Variants in ATF3 observed in about 807,000 individuals in gnomAD.
The protein encoded by ATF3 is cyclic AMP-dependent transcription factor ATF-3.
Under a neutral mutation model 18.4 loss-of-function variants are expected in ATF3, and 10 were observed. The observed-to-expected ratio is 0.54, with a 90% CI of 0.34 to 0.92. ATF3 has a LOEUF of 0.92. ATF3 is among the 40% of genes least tolerant of loss of function. The pLI is 0.02. For synonymous variants in ATF3, 78 were observed against 87.9 expected, an observed-to-expected ratio of 0.89 and a Z score of 0.63; for missense variants, 183 against 222.3, an observed-to-expected ratio of 0.82 and a Z score of 1.12.
chr1:212,568,612 A>G (rs927480979), intron 1 of ATF3, among the ~76,000 whole-genome samples: 1 of 152,222 alleles, frequency 6.6e-6, no homozygotes, highest in African/African-American at 2.4e-5. Context: ...CAAAATGGCC[A>G]TTAAGGAGAG....
chr1:212,605,283 G>C (rs1415389065), upstream of ATF3, among the ~76,000 whole-genome samples: 3 of 152,214 alleles, frequency 2.0e-5, no homozygotes, highest in Non-Finnish European at 4.4e-5. Context: ...GGTGCCTACT[G>C]TGTGATGCTG....
chr1:212,602,443 A>G (rs754646656), intron 1 of ATF3, among the ~76,000 whole-genome samples: 1 of 152,154 alleles, frequency 6.6e-6, no homozygotes, highest in African/African-American at 2.4e-5. Flanking sequence ...CTGTAAGCTC[A>G]GTTTCCTCAT....
At chr1:212,579,299 C>A (rs1664637822) in intron 1 of ATF3, among the ~76,000 whole-genome samples, 2 of 152,074 alleles carry the variant, frequency 1.3e-5, no homozygotes, top group African/African-American at 4.8e-5. Flanking sequence ...GGCATGGCTC[C>A]CAGACTTCTG....
chr1:212,610,573 AT>A lies in ATF3; in HGVS notation c.-5+1644del, dbSNP rs538450769. ...ACCCCACGCCCGCAGTGGGGATAAG[AT>A]ACAGCACCCAGCATCTGTGGCAGTG... is the stretch of plus-strand genomic sequence containing the variant. On this transcript the variant is annotated intron_variant, in intron 1 of 3. Transcript: ENST00000341491. Among the ~76,000 whole-genome samples the A allele has an allele frequency of 3.9e-4, 59 of 152,334 alleles. No homozygotes were observed. In the East Asian group the frequency reaches 0.011, roughly 28 times the overall value.
At chr1:212,583,660 C>T (rs1664726151) in intron 1 of ATF3, among the ~76,000 whole-genome samples, 1 of 152,206 alleles carries the variant, frequency 6.6e-6, no homozygotes, top group Non-Finnish European at 1.5e-5. Flanking sequence ...GGAACAAAAC[C>T]CTGGAACAGA....
intron 1 of ATF3, among the ~76,000 whole-genome samples, chr1:212,598,431 A>T (rs1053352887): frequency 4.6e-5 from 7 of 152,342 alleles, no homozygotes; most frequent in East Asian, 3.9e-4. Flanking sequence ...GAAATGGGGT[A>T]TCCATCCCCT....
At chr1:212,600,404 A>T (rs1307604529) in intron 1 of ATF3, among the ~76,000 whole-genome samples, 2 of 152,234 alleles carry the variant, frequency 1.3e-5, no homozygotes, top group African/African-American at 4.8e-5. Flanking sequence ...CCTGCTCAGC[A>T]ATTGCCTCAC....
At chr1:212,596,230 C>T (rs1664991426) in intron 1 of ATF3, among the ~76,000 whole-genome samples, 1 of 152,226 alleles carries the variant, frequency 6.6e-6, no homozygotes, top group South Asian at 2.1e-4. Flanking sequence ...TTCCACCTCA[C>T]TTTTCTACTG....
chr1:212,592,244 T>C (rs1421584040), intron 1 of ATF3, among the ~76,000 whole-genome samples: 3 of 152,226 alleles, frequency 2.0e-5, no homozygotes, highest in South Asian at 4.1e-4. Flanking sequence ...AGTGAAATCA[T>C]ACAGCATTTT....
Position 212,620,443 on chromosome 1 carries a change from C to T in ATF3, c.*888C>T, listed in dbSNP as rs1040020024. 6.6e-6 allele frequency: 1 copy of T among 152,632 alleles called. No individual in the cohort carries two copies. The highest frequency in any genetic ancestry group is 6.5e-5 in the Admixed American group (1 of 15,288). The allele number at this position is 152,632 out of a possible 1,614,324, so 9.5% of individuals were successfully genotyped here. A position where few individuals can be genotyped will look rare whatever the true frequency, so the allele number is the denominator to read the frequency against. ...TTCCTTTCCTTGTGGTTGAAAACCA[C>T]AGTCAGTGGAGAGATGTTTGGAAAC... On this transcript the variant is annotated 3_prime_UTR_variant, in exon 4 of 4. Transcript: ENST00000341491.
At chr1:212,596,271 A>C (rs992979883) in intron 1 of ATF3, among the ~76,000 whole-genome samples, 2 of 152,270 alleles carry the variant, frequency 1.3e-5, no homozygotes, top group African/African-American at 2.4e-5. Flanking sequence ...CCTGTGTAAC[A>C]TAAGTGCCTA....
rs1273360724 is a variant in ATF3, at chr1:212,620,154, T to A, written c.*599T>A. ...TTTCTCAGATCTGGTTTCTAAGAGT[T>A]TTGGGGGGCGGGGCTGTCACCACGT... On this transcript the variant is annotated 3_prime_UTR_variant, in exon 4 of 4. Transcript: ENST00000341491. 6.4e-6 allele frequency: 1 copy of A among 155,798 alleles called. No individual in the cohort carries two copies. The highest frequency in any genetic ancestry group is 1.4e-5 in the Non-Finnish European group (1 of 70,186). The allele number at this position is 155,798 out of a possible 1,614,324, so 9.7% of individuals were successfully genotyped here.
intron 1 of ATF3, among the ~76,000 whole-genome samples, chr1:212,597,603 C>T (rs1402289132): frequency 6.6e-6 from 1 of 152,176 alleles, no homozygotes; most frequent in Non-Finnish European, 1.5e-5. Context: ...GGTTGAGACT[C>T]TTGCTGCCTT....
intron 1 of ATF3, among the ~76,000 whole-genome samples, chr1:212,579,363 C>G (rs1357624725): frequency 6.6e-6 from 1 of 152,136 alleles, no homozygotes; most frequent in Non-Finnish European, 1.5e-5. Context: ...GTTCCATGTA[C>G]CTTCCCCATC....
At chr1:212,576,465 A>G (rs1664577495) in intron 1 of ATF3, among the ~76,000 whole-genome samples, 1 of 151,484 alleles carries the variant, frequency 6.6e-6, no homozygotes, top group African/African-American at 2.4e-5. Context: ...TTTCTAGTTT[A>G]GATTTCTCTA....
intron 1 of ATF3, among the ~76,000 whole-genome samples, chr1:212,583,579 G>A (rs1664724603): frequency 1.4e-5 from 2 of 138,950 alleles, no homozygotes; most frequent in African/African-American, 2.5e-5. Flanking sequence ...ATTGGATCCT[G>A]TTGAAAGCTG....
intron 1 of ATF3, among the ~76,000 whole-genome samples, chr1:212,588,370 A>G (rs1289501754): frequency 6.6e-6 from 1 of 152,142 alleles, no homozygotes; most frequent in Non-Finnish European, 1.5e-5. Flanking sequence ...GTTTGCTGAC[A>G]TTGTGTCCAC....
chr1:212,571,673 G>A (rs1206368051), intron 1 of ATF3, among the ~76,000 whole-genome samples: 1 of 149,942 alleles, frequency 6.7e-6, no homozygotes, highest in Non-Finnish European at 1.5e-5. Context: ...GCCTCCCAAA[G>A]TGCTGGGATT....
intron 1 of ATF3, among the ~76,000 whole-genome samples, chr1:212,598,439 C>T (rs1403137765): frequency 1.3e-5 from 2 of 152,136 alleles, no homozygotes; most frequent in Admixed American, 6.6e-5. Flanking sequence ...GTATCCATCC[C>T]CTTAAGCATT....
Sources: gnomAD v4.1 joint callset for allele counts (sites outside exome capture counted in the v4.1 genomes callset) on GRCh38, gnomAD v4.1.1 for gene constraint, MANE v1.5 for transcripts, NCBI Gene and HGNC (gene_info 2026-07-23, HGNC 2026-07-21) for gene names.